CAPN12: variants seen among roughly 807,000 people sequenced by gnomAD.
The protein encoded by CAPN12 is calpain 12.
Under a neutral mutation model 95.0 loss-of-function variants are expected in CAPN12, and 107 were observed. The observed-to-expected ratio is 1.13, with a 90% confidence interval of 0.96 to 1.32. The LOEUF (loss-of-function observed/expected upper bound fraction) is 1.32. Ranked by LOEUF, CAPN12 falls within the 40% of genes most tolerant of loss-of-function variation. The probability of loss-of-function intolerance (pLI) is 0.00; values close to 1 mark genes in which losing one functional copy is unlikely to be tolerated. For missense variants in CAPN12, 1,136 were observed against 997.8 expected, an observed-to-expected ratio of 1.14 and a Z score of -1.87; for synonymous variants, 505 against 415.5, an observed-to-expected ratio of 1.22 and a Z score of -2.62.
chr19:38,744,496 C>G, upstream of CAPN12: 1 of 412,150 alleles, frequency 2.4e-6, no homozygotes, highest in South Asian at 2.6e-5. Flanking sequence ...CTTCTGCCTA[C>G]TTATGCCTGT....
intron 3 of CAPN12, chr19:38,742,121 C>T (rs925840275): frequency 1.8e-5 from 12 of 649,548 alleles, no homozygotes; most frequent in African/African-American, 1.3e-4. Context: ...GTCAGGAATT[C>T]GAGACCAGCC....
chr19:38,742,504 G>C lies in CAPN12; in HGVS notation c.332C>G (p.Ala111Gly), dbSNP rs779040097. The C allele has an allele frequency of 6.2e-7, 1 of 1,612,958 alleles. No homozygotes were observed. The highest frequency in any genetic ancestry group is 1.1e-5 in the South Asian group (1 of 90,978). Residue 111 changes from alanine to glycine, a missense_variant, in exon 3 of 21, where the codon GCC becomes GGC. Ala to Gly is a moderately conservative substitution (Grantham distance 60, BLOSUM62 0). Coordinates refer to ENST00000328867, the MANE Select transcript of CAPN12 (RefSeq NM_144691.4). ...SLGNCWFLAA[A>G]ASLTLYPRLL... ...CCGGGGATACAGAGTAAGGGAGGCG[G>C]CAGCTGCAAGGAACCAGCAGTTACC... is the stretch of plus-strand genomic sequence containing the variant.
In CAPN12 at chr19:38,730,194, G is replaced by GAATT. The variant is rs1969465517; in HGVS notation, c.*654_*657dup. The GAATT allele has an allele frequency of 1.3e-5, 2 of 153,904 alleles. No individual in the cohort carries two copies. Among genetic ancestry groups the GAATT allele is most frequent in the South Asian group, 1.8e-4 (1 of 5,498 alleles). The allele number at this position is 153,904 out of a possible 1,614,324, so 9.5% of individuals were successfully genotyped here. A position where few individuals can be genotyped will look rare whatever the true frequency, so the allele number is the denominator to read the frequency against. The stretch of plus-strand genomic sequence containing the variant: ...AAAGAAAGAATTAAAAACTTTCAGA[G>GAATT]AATTACTATTTACTTTATTAACTTA... On this transcript the variant is annotated 3_prime_UTR_variant, in exon 21 of 21. Coordinates refer to ENST00000328867, the MANE Select transcript of CAPN12 (RefSeq NM_144691.4).
chr19:38,735,144 G>C (rs891860316), intron 14 of CAPN12: 6 of 600,622 alleles, frequency 1.0e-5, no homozygotes, highest in Non-Finnish European at 1.8e-5. Context: ...AGCCTGGCTG[G>C]AGGTGTCAGG....
Position 38,736,582 on chromosome 19 carries a change from A to AGGGGCGTCGGGGCAGGGGAGAGG in CAPN12, c.1363-42_1363-20dup, listed in dbSNP as rs746264760. ...CTGGAATCTGAAAGAAGCAAGAGCA[A>AGGGGCGTCGGGGCAGGGGAGAGG]GGGGCGTCGGGGCAGGGGAGAGGTG... On this transcript the variant is annotated intron_variant, in intron 10 of 20. Coordinates refer to ENST00000328867, the MANE Select transcript of CAPN12 (RefSeq NM_144691.4). 2.1e-5 allele frequency: 34 copies of AGGGGCGTCGGGGCAGGGGAGAGG among 1,604,132 alleles called. No homozygotes were observed. Among genetic ancestry groups the AGGGGCGTCGGGGCAGGGGAGAGG allele is most frequent in the East Asian group, 4.5e-5 (2 of 44,296 alleles).
chr19:38,731,505 C>G (rs1211151453), intron 18 of CAPN12: 18 of 493,358 alleles, frequency 3.6e-5, no homozygotes, highest in Non-Finnish European at 5.9e-5. Context: ...ACTGTTACTC[C>G]TTAAATCCTG....
At chr19:38,738,902 T>C in intron 5 of CAPN12, 2 of 531,788 alleles carry the variant, frequency 3.8e-6, no homozygotes, top group Admixed American at 6.8e-5. Flanking sequence ...GAGGTCGAGG[T>C]GGAAGGACTA....
chr19:38,737,137 G>A lies in CAPN12; in HGVS notation c.1362+19C>T. The A allele has an allele frequency of 7.4e-7, 1 of 1,358,680 alleles. No individual in the cohort carries two copies. The highest frequency in any genetic ancestry group is 3.8e-5 in the East Asian group (1 of 26,420). 84.2% of individuals were successfully genotyped at this position (1,358,680 alleles called of 1,614,324 possible). ...ACCCTCCGGGTTCCCTCCAGCCTCA[G>A]CTTTGCCCAGGACCTCACCTGGAAC... On this transcript the variant is annotated intron_variant, in intron 10 of 20. Coordinates refer to ENST00000328867, the MANE Select transcript of CAPN12 (RefSeq NM_144691.4).
rs377716797 is a variant in CAPN12, at chr19:38,744,417, C to T, written c.-252G>A. 6.3e-4 allele frequency: 353 copies of T among 560,956 alleles called. 3 individuals are homozygous for T. The South Asian group carries it at 6.9e-3, about 11-fold the overall frequency. 34.7% of individuals were successfully genotyped at this position (560,956 alleles called of 1,614,324 possible). ...GCTTGGCCAGCAGCAGGAGAGAAGGCGGGCAGAGCTGAGGGAGGACCGGCT... is the reference window on the plus strand; with the variant it reads ...GCTTGGCCAGCAGCAGGAGAGAAGGTGGGCAGAGCTGAGGGAGGACCGGCT... On this transcript the variant is annotated 5_prime_UTR_variant, in exon 1 of 21. Coordinates refer to ENST00000328867, the MANE Select transcript of CAPN12 (RefSeq NM_144691.4).
rs557121788 is a variant in CAPN12 at position 38,735,441 on chromosome 19, C to G, written c.1627-12G>C. The G allele has an allele frequency of 6.2e-7, 1 of 1,610,688 alleles. No individual in the cohort carries two copies. The highest frequency in any genetic ancestry group is 2.2e-5 in the East Asian group (1 of 44,648). On this transcript the variant is annotated splice_polypyrimidine_tract_variant and intron_variant, in intron 13 of 20. Transcript: ENST00000328867. ...GGCAGGTAGGGGCCCTGCCGCATGG[C>G]GGAAGTTTAGCGCTGGCCAAGATCC...
In CAPN12 at chr19:38,731,119, T is replaced by C. The variant is rs779096128; in HGVS notation, c.2062A>G (p.Thr688Ala). The C allele has an allele frequency of 6.2e-7, 1 of 1,611,280 alleles. No individual in the cohort carries two copies. The highest frequency in any genetic ancestry group is 1.3e-5 in the African/African-American group (1 of 74,582). ...GGGTGGTACTCACAGAAGATGCAGG[T>C]GAGGTGGGCCACACAGGACACGAAC... ...ERFVSCVAHL[T>A]CIFCHCSQHL... Residue 688 changes from threonine to alanine, a missense_variant, in exon 19 of 21, where the codon ACC becomes GCC. Thr to Ala is a moderately conservative substitution (Grantham distance 58). Coordinates refer to ENST00000328867, the MANE Select transcript of CAPN12 (RefSeq NM_144691.4).
At chr19:38,733,294 T>C (rs958119226) in intron 18 of CAPN12, 3 of 168,228 alleles carry the variant, frequency 1.8e-5, no homozygotes, top group African/African-American at 7.2e-5. Context: ...CTCAAAGAGA[T>C]GAAGTCAAGT....
chr19:38,736,601 A>AGAGGTGGCCGCCGCTC, intron 10 of CAPN12, 38 bp from the exon 11 acceptor site: 1 of 1,585,094 alleles, frequency 6.3e-7, no homozygotes, highest in African/African-American at 1.3e-5. Flanking sequence ...GGGGCAGGGG[A>AGAGGTGGCCGCCGCTC]GAGGTGGCCG....
rs766952531 is a variant in CAPN12, at chr19:38,737,386, T to C, written c.1132A>G (p.Thr378Ala). The change falls in exon 10 of 21, where the codon ACC becomes GCC. Residue 378 changes from threonine to alanine, a missense_variant and splice_region_variant. Physicochemically the swap from Thr to Ala is moderately conservative, Grantham distance 58 (BLOSUM62 0). Transcript: ENST00000328867. The stretch of plus-strand genomic sequence containing the variant: ...CGGAACTGAGGATTGGTCCAGAAGG[T>C]TTCTAAGGGAGGAGGAAAAAAGGGG... The part of the protein sequence containing the change: ...NSGGSQPNAE[T>A]FWTNPQFRLT... 6.3e-7 allele frequency: 1 copy of C among 1,597,306 alleles called. No homozygotes were observed. The highest frequency in any genetic ancestry group is 1.7e-5 in the Admixed American group (1 of 58,182).
intron 14 of CAPN12, 42 bp downstream of exon 14, chr19:38,735,328 G>A (rs1599895743): frequency 1.3e-6 from 2 of 1,514,594 alleles, no homozygotes; most frequent in East Asian, 2.3e-5. Flanking sequence ...CCCAAGGGGA[G>A]GCCGCAGCGG....
chr19:38,735,637 T>TC, intron 12 of CAPN12, 93 bp from the exon 13 acceptor site: 1 of 1,247,498 alleles, frequency 8.0e-7, no homozygotes, highest in Non-Finnish European at 1.1e-6. Context: ...GCGTGGGGTC[T>TC]AGGTAGGGAC....
intron 2 of CAPN12, among the ~76,000 whole-genome samples, 183 bp downstream of exon 2, chr19:38,742,850 C>CAAAAAAAAAAAAAAAAAAAAAAA (rs11406594): frequency 1.9e-5 from 1 of 53,294 alleles, no homozygotes; most frequent in African/African-American, 9.2e-5. Context: ...GACCCCATCT[C>CAAAAAAAAAAAAAAAAAAAAAAA]AAAAAAAAAA....
Position 38,741,853 on chromosome 19 carries a change from C to G in CAPN12, c.484G>C (p.Glu162Gln). 6.2e-7 allele frequency: 1 copy of G among 1,614,126 alleles called. No homozygotes were observed. The highest frequency in any genetic ancestry group is 8.5e-7 in the Non-Finnish European group (1 of 1,180,044). ...VVVDDRLPVREGKLMFVRSEQ... is the reference protein window; with the variant it reads ...VVVDDRLPVRQGKLMFVRSEQ... ...GAGCGCACGAACATCAGCTTCCCCT[C>G]ACGCACGGGCAGCCTGTCATCCACC... The change falls in exon 4 of 21, where the codon GAG (glutamate) becomes CAG (glutamine). Residue 162 changes from glutamate to glutamine, a missense_variant. Physicochemically the swap from Glu to Gln is conservative, Grantham distance 29. Transcript: ENST00000328867.
At chr19:38,732,226 C>T (rs1296271544) in intron 18 of CAPN12, among the ~76,000 whole-genome samples, 1 of 152,272 alleles carries the variant, frequency 6.6e-6, no homozygotes, top group Non-Finnish European at 1.5e-5. Flanking sequence ...TCCTTGCTCC[C>T]TCACCTCCAC....
Sources: allele counts gnomAD v4.1 joint callset (sites outside exome capture counted in the v4.1 genomes callset), GRCh38; gene constraint gnomAD v4.1.1; transcripts MANE v1.5; gene names NCBI Gene and HGNC (gene_info 2026-07-23, HGNC 2026-07-21).